Variants in SYTL5 observed in about 807,000 individuals in gnomAD.
The protein encoded by SYTL5 is synaptotagmin-like protein 5.
In SYTL5, 34 loss-of-function variants were observed where a neutral mutation model predicts 55.9. The observed-to-expected ratio is 0.61, with a 90% confidence interval of 0.46 to 0.81. SYTL5 has a LOEUF of 0.81. Among genes scored for constraint, SYTL5 ranks in the 30% least tolerant of loss-of-function variants. The pLI is 0.00. For missense variants in SYTL5, 637 were observed against 546.7 expected, an observed-to-expected ratio of 1.17 and a Z score of -1.65; for synonymous variants, 221 against 188.7, an observed-to-expected ratio of 1.17 and a Z score of -1.40.
Position 38,122,714 on chromosome X carries a change from C to A in SYTL5, c.1841+499C>A, listed in dbSNP as rs1937585385. On this transcript the variant is annotated intron_variant, in intron 15 of 16. Coordinates refer to ENST00000297875, the MANE Select transcript of SYTL5 (RefSeq NM_138780.3). ...AAGACCACCTGCTAGGCATTTGTGC[C>A]CAAGTTGTGGAGCAAAGGGCAGCTT... 2.7e-5 allele frequency among the ~76,000 whole-genome samples: 3 copies of A among 111,768 alleles called. No homozygotes were observed. The Admixed American group carries it at 2.8e-4, about 11-fold the overall frequency.
chrX:37,955,539 C>T, the SYTL5 span, among the ~76,000 whole-genome samples: 35 of 111,969 alleles, frequency 3.1e-4, no homozygotes, highest in African/African-American at 1.1e-3. Context: ...ATTAGATGAA[C>T]ATTTTTTACT....
chrX:37,908,617 T>C, the SYTL5 span, among the ~76,000 whole-genome samples: 1 of 111,570 alleles, frequency 9.0e-6, no homozygotes. Flanking sequence ...TATTAATCAA[T>C]GTAGCAAAAG....
intron 1 of SYTL5, among the ~76,000 whole-genome samples, chrX:38,019,881 C>T (rs1043523773): frequency 1.2e-4 from 13 of 111,371 alleles, no homozygotes; most frequent in African/African-American, 1.6e-4. Flanking sequence ...GTGATCCGCC[C>T]GCTTCGGCCT....
chrX:38,001,725 C>G (rs1303056829), upstream of SYTL5, among the ~76,000 whole-genome samples: 1 of 111,347 alleles, frequency 9.0e-6, no homozygotes. Context: ...GTTTTCAAAT[C>G]TTGTCTATTA....
intron 2 of SYTL5, among the ~76,000 whole-genome samples, chrX:38,037,277 A>C (rs73465412): frequency 0.23 from 25,761 of 110,594 alleles, 5,415 homozygotes; most frequent in African/African-American, 0.67. Context: ...CCTAAAAATC[A>C]CACCCTTGCT....
At chrX:38,122,924 A>T (rs1440108158) in intron 15 of SYTL5, among the ~76,000 whole-genome samples, 1 of 112,645 alleles carries the variant, frequency 8.9e-6, no homozygotes, top group African/African-American at 3.2e-5. Flanking sequence ...ACCAGGTGCT[A>T]TGCTTTCAAA....
intron 9 of SYTL5, among the ~76,000 whole-genome samples, chrX:38,097,818 TA>T (rs1936975373): frequency 9.2e-6 from 1 of 108,209 alleles, no homozygotes; most frequent in African/African-American, 3.3e-5. Flanking sequence ...CAGTTATAGC[TA>T]TCAGTACAAC....
chrX:37,961,663 T>C, the SYTL5 span, among the ~76,000 whole-genome samples: 1 of 112,171 alleles, frequency 8.9e-6, no homozygotes, highest in East Asian at 2.8e-4. Flanking sequence ...TTTACATGCT[T>C]TGCATAATAA....
intron 9 of SYTL5, among the ~76,000 whole-genome samples, chrX:38,101,617 G>T (rs1339510504): frequency 9.1e-6 from 1 of 110,003 alleles, no homozygotes; most frequent in African/African-American, 3.3e-5. Flanking sequence ...AAAGCAGTAT[G>T]CATGATACAA....
chrX:37,918,969 G>A, the SYTL5 span, among the ~76,000 whole-genome samples: 1 of 109,637 alleles, frequency 9.1e-6, no homozygotes, highest in Non-Finnish European at 1.9e-5. Context: ...GTGTGTGTGT[G>A]TTTAGCTTTC....
the SYTL5 span, among the ~76,000 whole-genome samples, chrX:37,997,010 G>C: frequency 8.9e-6 from 1 of 112,316 alleles, no homozygotes; most frequent in Non-Finnish European, 1.9e-5. Context: ...GAAAAATCTA[G>C]ATCTTTCATC....
the SYTL5 span, among the ~76,000 whole-genome samples, chrX:37,983,473 G>A: frequency 1.8e-5 from 2 of 112,003 alleles, no homozygotes; most frequent in African/African-American, 6.5e-5. Flanking sequence ...CAACCCACTG[G>A]GAAGATATAA....
At chrX:37,990,737 A>C in the SYTL5 span, 11 of 1,078,976 alleles carry the variant, frequency 1.0e-5, no homozygotes, top group Non-Finnish European at 1.2e-5. Flanking sequence ...AAGGGCCTGG[A>C]GCAGAGGGAT....
chrX:38,064,144 T>A (rs752903576), intron 3 of SYTL5, among the ~76,000 whole-genome samples: 2 of 111,358 alleles, frequency 1.8e-5, no homozygotes, highest in East Asian at 5.6e-4. Context: ...ATAAAATGTA[T>A]TTCTTATTGT....
the SYTL5 span, among the ~76,000 whole-genome samples, chrX:37,966,436 C>CTTTTTT: frequency 4.3e-3 from 337 of 78,003 alleles, 1 homozygote; most frequent in Non-Finnish European, 5.3e-3. Flanking sequence ...TTTTCTTTTT[C>CTTTTTT]TTTTTTTTTT....
chrX:38,020,859 A>G (rs1423181839), intron 1 of SYTL5, among the ~76,000 whole-genome samples: 1 of 111,743 alleles, frequency 8.9e-6, no homozygotes, highest in Non-Finnish European at 1.9e-5. Flanking sequence ...TATTCTTCAA[A>G]CCCAGGAAGT....
chrX:38,074,754 A>G (rs775562747), intron 5 of SYTL5, among the ~76,000 whole-genome samples: 1 of 111,905 alleles, frequency 8.9e-6, no homozygotes, highest in Admixed American at 9.5e-5. Flanking sequence ...ATGAGCAGAG[A>G]TGAGTTGGAA....
intron 9 of SYTL5, among the ~76,000 whole-genome samples, chrX:38,098,465 C>T (rs73467475): frequency 0.014 from 1,567 of 110,540 alleles, 11 homozygotes; most frequent in Middle Eastern, 0.018. Flanking sequence ...CATTAGTTAT[C>T]AGAGAAATGA....
the SYTL5 span, among the ~76,000 whole-genome samples, chrX:37,900,681 A>G: frequency 8.9e-6 from 1 of 112,202 alleles, no homozygotes; most frequent in African/African-American, 3.2e-5. Context: ...ATGGTGTATA[A>G]CTTTGCTCCA....
Sources: gnomAD v4.1 joint callset for allele counts (sites outside exome capture counted in the v4.1 genomes callset) on GRCh38, gnomAD v4.1.1 for gene constraint, MANE v1.5 for transcripts, NCBI Gene and HGNC (gene_info 2026-07-23, HGNC 2026-07-21) for gene names.